Variants in PAH observed in about 807,000 individuals in gnomAD.
PAH encodes the protein phenylalanine-4-hydroxylase.
A neutral mutation model predicts 62.0 loss-of-function variants in PAH; 64 were observed. The observed-to-expected ratio is 1.03, with a 90% CI of 0.84 to 1.27. The LOEUF is 1.27. Among genes scored for constraint, PAH ranks in the 50% most tolerant of loss-of-function variants. PAH has a pLI of 0.00. For missense variants in PAH, 579 were observed against 542.8 expected, an observed-to-expected ratio of 1.07 and a Z score of -0.66; for synonymous variants, 195 against 196.2, an observed-to-expected ratio of 0.99 and a Z score of 0.05.
At chr12:102,846,060 T>A (rs1050710921) in intron 9 of PAH, among the ~76,000 whole-genome samples, 1 of 152,182 alleles carries the variant, frequency 6.6e-6, no homozygotes, top group African/African-American at 2.4e-5. Flanking sequence ...AAAATTTAAA[T>A]AATTCAATTT....
At chr12:102,870,942 G>T (rs1432937899) in intron 4 of PAH, among the ~76,000 whole-genome samples, 1 of 152,186 alleles carries the variant, frequency 6.6e-6, no homozygotes, top group African/African-American at 2.4e-5. Flanking sequence ...AGGAGTTATT[G>T]TTTTACTTCC....
intron 3 of PAH, among the ~76,000 whole-genome samples, chr12:102,890,788 C>A (rs922957561): frequency 4.6e-5 from 7 of 152,062 alleles, no homozygotes; most frequent in Non-Finnish European, 1.0e-4. Context: ...TATGTGAAAA[C>A]ATTAACTTTT....
rs62508693 is a variant in PAH, at chr12:102,851,751, A to T, written c.848T>A (p.Ile283Asn). 6.2e-7 allele frequency: 1 copy of T among 1,613,896 alleles called. No homozygotes were observed. Among genetic ancestry groups the T allele is most frequent in the Non-Finnish European group, 8.5e-7 (1 of 1,179,866 alleles). ...CACATGTCCCAACAGCTCATGGCAGATGTCACTGAAAGACAGAAAGCACAG... is the reference window on the plus strand; with the variant it reads ...CACATGTCCCAACAGCTCATGGCAGTTGTCACTGAAAGACAGAAAGCACAG... ...SKPMYTPEPD[I>N]CHELLGHVPL... Residue 283 changes from isoleucine (I) to asparagine (N), a missense_variant, in exon 8 of 13, where the codon ATC becomes AAC. Coordinates refer to ENST00000553106, the MANE Select transcript of PAH (RefSeq NM_000277.3).
At chr12:102,919,518 C>T (rs529971740), upstream of PAH, among the ~76,000 whole-genome samples, 9 of 152,232 alleles carry the variant, frequency 5.9e-5, no homozygotes, top group South Asian at 1.9e-3. Context: ...CCCTGTTGTA[C>T]TATCAAATAC....
intron 2 of PAH, among the ~76,000 whole-genome samples, chr12:102,909,630 G>A (rs928109354): frequency 4.6e-5 from 7 of 152,034 alleles, no homozygotes; most frequent in Admixed American, 1.3e-4. Context: ...TCATATATTT[G>A]ATCACAAGAT....
intron 6 of PAH, chr12:102,854,829 C>CAAAACAAAACA: frequency 2.4e-6 from 1 of 419,902 alleles, no homozygotes; most frequent in Non-Finnish European, 4.5e-6. Context: ...CAAAACAAAA[C>CAAAACAAAACA]AAAAAAAAAC....
At chr12:102,897,071 G>A (rs769264798) in intron 2 of PAH, among the ~76,000 whole-genome samples, 1 of 152,098 alleles carries the variant, frequency 6.6e-6, no homozygotes, top group Non-Finnish European at 1.5e-5. Context: ...TTGCCTACTT[G>A]TCTAACTGAT....
intron 2 of PAH, among the ~76,000 whole-genome samples, chr12:102,912,230 C>A (rs1402619124): frequency 1.3e-5 from 2 of 152,018 alleles, no homozygotes; most frequent in Non-Finnish European, 2.9e-5. Flanking sequence ...AATTATGGAA[C>A]CACTTTAATC....
chr12:102,869,962 A>G (rs2136669339), intron 4 of PAH, among the ~76,000 whole-genome samples: 1 of 152,346 alleles, frequency 6.6e-6, no homozygotes, highest in Non-Finnish European at 1.5e-5. Flanking sequence ...TTAAACTAAT[A>G]GCAGCAATTT....
intron 5 of PAH, among the ~76,000 whole-genome samples, chr12:102,863,337 T>G (rs939219523): frequency 6.6e-6 from 1 of 152,204 alleles, no homozygotes; most frequent in African/African-American, 2.4e-5. Context: ...CACCAAGATG[T>G]TCTGCTGGTT....
upstream of PAH, among the ~76,000 whole-genome samples, chr12:102,918,245 G>C (rs1522298): frequency 0.4 from 61,135 of 151,958 alleles, 13,683 homozygotes; most frequent in African/African-American, 0.59. Context: ...TACTGACCAG[G>C]AGGTAAAACA....
intron 1 of PAH, among the ~76,000 whole-genome samples, chr12:102,943,171 G>A (rs1879355386): frequency 6.6e-6 from 1 of 152,046 alleles, no homozygotes; most frequent in Non-Finnish European, 1.5e-5. Context: ...TGCAAACTAC[G>A]CATCCAACAA....
intron 1 of PAH, among the ~76,000 whole-genome samples, chr12:102,955,971 G>T (rs1236105674): frequency 6.6e-6 from 1 of 152,140 alleles, no homozygotes; most frequent in Non-Finnish European, 1.5e-5. Flanking sequence ...GAAGAGAGGT[G>T]ATTCACTTCG....
intron 4 of PAH, among the ~76,000 whole-genome samples, chr12:102,875,988 CA>C (rs1174101761): frequency 6.6e-6 from 1 of 150,508 alleles, no homozygotes; most frequent in Non-Finnish European, 1.5e-5. Context: ...GAGGCACACC[CA>C]AATATTAATA....
intron 2 of PAH, among the ~76,000 whole-genome samples, chr12:102,902,787 G>T (rs1298668863): frequency 6.6e-6 from 1 of 152,136 alleles, no homozygotes; most frequent in African/African-American, 2.4e-5. Context: ...TCACCCCAAA[G>T]ACCATCTTTT....
chr12:102,844,624 G>A (rs753759297), intron 9 of PAH, among the ~76,000 whole-genome samples, 193 bp from the exon 10 acceptor site: 5 of 152,146 alleles, frequency 3.3e-5, no homozygotes, highest in Non-Finnish European at 5.9e-5. Flanking sequence ...CCTCATTGTG[G>A]GCGGGAACCA....
At chr12:102,933,750 A>G (rs1027713342) in intron 1 of PAH, among the ~76,000 whole-genome samples, 5 of 152,074 alleles carry the variant, frequency 3.3e-5, no homozygotes, top group African/African-American at 1.2e-4. Context: ...TTTTCTTTTC[A>G]CAATGCTTAT....
chr12:102,958,020 G>T (rs1180384855), intron 1 of PAH: 1 of 381,804 alleles, frequency 2.6e-6, no homozygotes, highest in Non-Finnish European at 4.6e-6. Flanking sequence ...AGGAGGCGGC[G>T]TGCAGGGAGG....
At chr12:102,857,529 G>A (rs964390140) in intron 5 of PAH, among the ~76,000 whole-genome samples, 3 of 152,042 alleles carry the variant, frequency 2.0e-5, no homozygotes, top group East Asian at 1.9e-4. Context: ...TGTCAGATTC[G>A]CCAAAGTTGA....
Sources: gnomAD v4.1 joint callset for allele counts (sites outside exome capture counted in the v4.1 genomes callset) on GRCh38, gnomAD v4.1.1 for gene constraint, MANE v1.5 for transcripts, NCBI Gene and HGNC (gene_info 2026-07-23, HGNC 2026-07-21) for gene names.